The following DOCK7 variants were observed in gnomAD, a reference collection of about 807,000 sequenced individuals.
The protein encoded by DOCK7 is dedicator of cytokinesis 7, also known as dedicator of cytokinesis protein 7.
In DOCK7, 138 loss-of-function variants were observed where a neutral mutation model predicts 271.0. That is an observed-to-expected ratio of 0.51 (90% CI 0.44 to 0.59). The LOEUF (loss-of-function observed/expected upper bound fraction) is 0.59. Among genes scored for constraint, DOCK7 ranks in the 20% least tolerant of loss-of-function variants. DOCK7 has a pLI of 0.00. For missense variants in DOCK7, 2,066 were observed against 2,592.4 expected (o/e 0.80, Z 4.41); for synonymous variants, 823 against 876.1 (o/e 0.94, Z 1.07).
Position 62,578,843 on chromosome 1 carries a change from T to G in DOCK7, c.1995A>C (p.Thr665=), listed in dbSNP as rs1473844414. ...CQQKQNTPLE[T]PVGYTWIPML... The stretch of plus-strand genomic sequence containing the variant: ...AAGGACTCACTGTATATCCAACTGG[T>G]GTTTCAAGAGGAGTATTTTGTTTTT... The change falls in exon 17 of 50, where the codon ACA becomes ACC. Residue 665 remains threonine (T), a synonymous_variant. Coordinates refer to ENST00000635253, the MANE Select transcript of DOCK7 (RefSeq NM_001367561.1). 6.2e-7 allele frequency: 1 copy of G among 1,602,998 alleles called. No individual in the cohort carries two copies. Among genetic ancestry groups the G allele is most frequent in the Admixed American group, 1.7e-5 (1 of 57,746 alleles).
In DOCK7 at chr1:62,494,436, G is replaced by T. The variant is rs1451735358; in HGVS notation, c.5056C>A (p.Leu1686Met). The change falls in exon 40 of 50, where the codon CTG (leucine) becomes ATG (methionine). Residue 1686 changes from leucine to methionine, a missense_variant. This residue lies in a region of DOCK7 where 652 missense variants were observed against 922.1 expected (regional missense o/e 0.71). Transcript: ENST00000635253. Reference protein sequence around the residue: ...IAKGYQTSPDLRLTWLQNMAG... With the variant: ...IAKGYQTSPDMRLTWLQNMAG... Reference sequence around the variant, plus strand: ...ATGTTCTGCAACCAGGTCAATCGCAGATCTGGAGAGGTCTGGTAACCCTTG... The same window carrying T: ...ATGTTCTGCAACCAGGTCAATCGCATATCTGGAGAGGTCTGGTAACCCTTG... The T allele has an allele frequency of 6.2e-7, 1 of 1,611,578 alleles. No individual in the cohort carries two copies. The highest frequency in any genetic ancestry group is 8.5e-7 in the Non-Finnish European group (1 of 1,178,192).
In DOCK7 at chr1:62,529,420, A is replaced by T; in HGVS notation, c.3638T>A (p.Ile1213Asn). Residue 1213 changes from isoleucine (I) to asparagine (N), a missense_variant, in exon 30 of 50, where the codon ATC becomes AAC. Physicochemically the swap from Ile to Asn is moderately radical, Grantham distance 149 (BLOSUM62 -3). Transcript: ENST00000635253. ...EGLFGLHKKV[I>N]NMVHNLLSSH... ...GGAGAGTAAATTGTGTACCATATTG[A>T]TGACTTTCTTATGCAATCCAAACAG... The T allele has an allele frequency of 6.2e-7, 1 of 1,611,668 alleles. No individual in the cohort carries two copies. The highest frequency in any genetic ancestry group is 8.5e-7 in the Non-Finnish European group (1 of 1,179,272).
intron 15 of DOCK7, chr1:62,584,052 A>G (rs1325757846): frequency 4.6e-5 from 33 of 715,558 alleles, no homozygotes; most frequent in Non-Finnish European, 5.6e-5. Flanking sequence ...CCATCTTTAC[A>G]TATGCATGAA....
intron 2 of DOCK7, among the ~76,000 whole-genome samples, chr1:62,655,339 T>C (rs1433122029): frequency 6.6e-6 from 1 of 152,184 alleles, no homozygotes; most frequent in Non-Finnish European, 1.5e-5. Context: ...ATAAAAACAC[T>C]GAAACCTGCC....
chr1:62,683,310 G>A (rs1022488212), intron 1 of DOCK7, among the ~76,000 whole-genome samples: 1 of 152,180 alleles, frequency 6.6e-6, no homozygotes, highest in South Asian at 2.1e-4. Context: ...GAAGTAGTTG[G>A]TAATATATGG....
chr1:62,525,616 G>A (rs1644983832), intron 31 of DOCK7, among the ~76,000 whole-genome samples: 1 of 152,152 alleles, frequency 6.6e-6, no homozygotes, highest in African/African-American at 2.4e-5. Flanking sequence ...ATTGAGGAAG[G>A]CCACTGGTAG....
intron 40 of DOCK7, 107 bp downstream of exon 40, chr1:62,494,168 A>C: frequency 9.9e-7 from 1 of 1,012,962 alleles, no homozygotes; most frequent in East Asian, 2.7e-5. Context: ...CATTGGCTTA[A>C]GTCTTTAAGC....
chr1:62,456,408 T>C (rs1645349496), intron 49 of DOCK7, among the ~76,000 whole-genome samples: 1 of 152,164 alleles, frequency 6.6e-6, no homozygotes, highest in South Asian at 2.1e-4. Flanking sequence ...TTATCCTTCG[T>C]GCCATTAAGG....
chr1:62,651,515 G>A (rs1657376834), intron 4 of DOCK7, among the ~76,000 whole-genome samples: 1 of 138,648 alleles, frequency 7.2e-6, no homozygotes, highest in Non-Finnish European at 1.6e-5. Flanking sequence ...TAAGGGGGGA[G>A]CCCGAAAAAA....
rs751456523 is a variant in DOCK7, at chr1:62,648,165, C to G, written c.673G>C (p.Asp225His). The change falls in exon 6 of 50, where the codon GAC becomes CAC. Residue 225 changes from aspartate (D) to histidine (H), a missense_variant. Transcript: ENST00000635253. The part of the protein sequence containing the change: ...PNEEIDRQND[D>H]QRKSNRHKEL... ...TTGTGACGGTTTGATTTCCTTTGGT[C>G]ATCATTCTGACGGTCTATTTCTTCA... is the stretch of plus-strand genomic sequence containing the variant. 1 of 1,613,492 alleles carries G rather than the reference C, an allele frequency of 6.2e-7. No individual in the cohort carries two copies. Among genetic ancestry groups the G allele is most frequent in the East Asian group, 2.2e-5 (1 of 44,800 alleles).
At chr1:62,545,304 G>GTACC (rs1645667581) in intron 22 of DOCK7, among the ~76,000 whole-genome samples, 1 of 151,916 alleles carries the variant, frequency 6.6e-6, no homozygotes, top group Non-Finnish European at 1.5e-5. Context: ...TACTCTTGAA[G>GTACC]TACCAATAAC....
In DOCK7 at chr1:62,604,422, T is replaced by C. The variant is rs1461804651; in HGVS notation, c.1682+14284A>G. ...GTTCAATCAGGTATTTTACCTCTAA[T>C]CTTCCTCAGATTTTCTATTTTTTGG... On this transcript the variant is annotated intron_variant, in intron 14 of 49. Coordinates refer to ENST00000635253, the MANE Select transcript of DOCK7 (RefSeq NM_001367561.1). 5 of 891,306 alleles carry C rather than the reference T, an allele frequency of 5.6e-6. No homozygotes were observed. The African/African-American group carries it at 8.5e-5, about 15-fold the overall frequency. 55.2% of individuals were successfully genotyped at this position (891,306 alleles called of 1,614,324 possible).
At chr1:62,649,543 C>T (rs769103991) in intron 4 of DOCK7, among the ~76,000 whole-genome samples, 5 of 152,138 alleles carry the variant, frequency 3.3e-5, no homozygotes, top group Non-Finnish European at 5.9e-5. Flanking sequence ...AAGCTGCATA[C>T]GTAAGCTGCT....
chr1:62,492,015 ATCT>A (rs1319161454), intron 41 of DOCK7, among the ~76,000 whole-genome samples: 1 of 152,072 alleles, frequency 6.6e-6, no homozygotes, highest in African/African-American at 2.4e-5. Flanking sequence ...GTTTGAGACT[ATCT>A]TGGGCAACAA....
chr1:62,600,869 T>C (rs1232637425), intron 14 of DOCK7, among the ~76,000 whole-genome samples: 1 of 151,800 alleles, frequency 6.6e-6, no homozygotes, highest in African/African-American at 2.4e-5. Flanking sequence ...TTGCCTTGCT[T>C]TATTTTTTTA....
chr1:62,641,761 T>C lies in DOCK7; in HGVS notation c.819-5158A>G, dbSNP rs549080895. On this transcript the variant is annotated intron_variant, in intron 7 of 49. Coordinates refer to ENST00000635253, the MANE Select transcript of DOCK7 (RefSeq NM_001367561.1). ...TGGGAAAGGCTAAATTGGGTGTGTT[T>C]TCACATTTGCTTACAAACAATTATA... The C allele has an allele frequency of 2.6e-5, 8 of 306,754 alleles. No homozygotes were observed. The East Asian group carries it at 5.6e-4, about 21-fold the overall frequency. The allele number at this position is 306,754 out of a possible 1,614,324, so 19.0% of individuals were successfully genotyped here.
intron 43 of DOCK7, chr1:62,486,511 T>C (rs1465514450): frequency 6.6e-6 from 1 of 152,090 alleles, no homozygotes; most frequent in Non-Finnish European, 1.5e-5. Context: ...TTAGGGCATA[T>C]TTTATAGAAT....
At chr1:62,557,379 A>G (rs546252806) in intron 20 of DOCK7, among the ~76,000 whole-genome samples, 1 of 151,534 alleles carries the variant, frequency 6.6e-6, no homozygotes, top group Non-Finnish European at 1.5e-5. Flanking sequence ...CCCTTCTCCC[A>G]TTTGAGCATG....
intron 22 of DOCK7, among the ~76,000 whole-genome samples, chr1:62,547,870 T>C (rs1645761875): frequency 6.6e-6 from 1 of 152,208 alleles, no homozygotes; most frequent in Admixed American, 6.5e-5. Context: ...TTAGGAGTTC[T>C]GTATTTTATA....
Sources: gnomAD v4.1 joint callset for allele counts (sites outside exome capture counted in the v4.1 genomes callset) on GRCh38, gnomAD v4.1.1 for gene constraint, gnomAD v4.1.1 regional missense constraint, MANE v1.5 for transcripts, NCBI Gene and HGNC (gene_info 2026-07-23, HGNC 2026-07-21) for gene names.